Variants in SPOCK3 observed in about 807,000 individuals in gnomAD.
SPOCK3 encodes testican-3.
SPOCK3 carries 30 observed loss-of-function variants against 56.6 expected under a neutral mutation model. The observed-to-expected ratio is 0.53, with a 90% CI of 0.40 to 0.72. SPOCK3 has a LOEUF of 0.72. Ranked by LOEUF, SPOCK3 falls within the 30% of genes least tolerant of loss-of-function variation. The pLI is 0.00. For synonymous variants in SPOCK3, 196 were observed against 183.3 expected (o/e 1.07, Z -0.56); for missense variants, 527 against 530.0 (o/e 0.99, Z 0.06).
intron 4 of SPOCK3, among the ~76,000 whole-genome samples, chr4:166,976,990 G>A (rs1044375630): frequency 7.2e-5 from 11 of 151,826 alleles, no homozygotes; most frequent in Non-Finnish European, 8.8e-5. Flanking sequence ...GAAAGATGGC[G>A]TGATAAGCAC....
At chr4:166,995,585 C>T (rs1219430694) in intron 4 of SPOCK3, among the ~76,000 whole-genome samples, 2 of 151,804 alleles carry the variant, frequency 1.3e-5, no homozygotes, top group Non-Finnish European at 2.9e-5. Flanking sequence ...ATCTATCTAC[C>T]TATCTATCTA....
At chr4:167,178,445 G>A (rs750413646) in intron 2 of SPOCK3, among the ~76,000 whole-genome samples, 6 of 152,054 alleles carry the variant, frequency 3.9e-5, no homozygotes, top group Non-Finnish European at 8.8e-5. Flanking sequence ...TTAAAATACT[G>A]TTGTCCATGA....
In SPOCK3 at chr4:166,791,050, G is replaced by A. The variant is rs527666711; in HGVS notation, c.709+1120C>T. On this transcript the variant is annotated intron_variant, in intron 7 of 10. Coordinates refer to ENST00000357545, the MANE Select transcript of SPOCK3 (RefSeq NM_001040159.2). ...CAATAAATCCAGAGATAAGCCTGAG[G>A]AACTCTTCTATAGGAAATGAAAAAT... is the stretch of plus-strand genomic sequence containing the variant. Among the ~76,000 whole-genome samples the A allele has an allele frequency of 3.9e-5, 6 of 152,182 alleles. No homozygotes were observed. The East Asian group carries it at 1.2e-3, about 29-fold the overall frequency.
At chr4:166,783,048 A>G (rs780134647) in intron 7 of SPOCK3, among the ~76,000 whole-genome samples, 1 of 152,196 alleles carries the variant, frequency 6.6e-6, no homozygotes, top group Non-Finnish European at 1.5e-5. Context: ...CTGTAAGTAC[A>G]TATCTTTGTA....
intron 7 of SPOCK3, among the ~76,000 whole-genome samples, chr4:166,788,104 C>T (rs28463317): frequency 0.3 from 45,448 of 151,974 alleles, 7,005 homozygotes; most frequent in East Asian, 0.39. Flanking sequence ...ATTGCTTGAA[C>T]CCAGGAGGCG....
intron 2 of SPOCK3, among the ~76,000 whole-genome samples, chr4:167,073,543 G>A (rs1756895418): frequency 2.0e-5 from 3 of 151,694 alleles, no homozygotes; most frequent in Admixed American, 2.0e-4. Flanking sequence ...TACTGGTTAG[G>A]TATTAGGGAG....
At position 166,742,057 on chromosome 4, in the gene SPOCK3, G is replaced by A; in HGVS notation, c.934C>T (p.Pro312Ser). The change falls in exon 9 of 11, where the codon CCA (proline) becomes TCA (serine). Residue 312 changes from proline (P) to serine (S), a missense_variant and splice_region_variant. Physicochemically the swap from Pro to Ser is moderately conservative, Grantham distance 74 (BLOSUM62 -1). Coordinates refer to ENST00000357545, the MANE Select transcript of SPOCK3 (RefSeq NM_001040159.2). Reference protein sequence around the residue: ...WCYCFQRQQDPPCQTELSNIQ... With the variant: ...WCYCFQRQQDSPCQTELSNIQ... ...TTGCTGAGCTCAGTCTGGCAAGGTGGGTCTGCAATGACATTAAAAATGTTA... is the reference window on the plus strand; with the variant it reads ...TTGCTGAGCTCAGTCTGGCAAGGTGAGTCTGCAATGACATTAAAAATGTTA... 6.2e-7 allele frequency: 1 copy of A among 1,610,048 alleles called. No homozygotes were observed. Among genetic ancestry groups the A allele is most frequent in the Non-Finnish European group, 8.5e-7 (1 of 1,177,012 alleles).
At chr4:167,059,727 C>T (rs955255183) in intron 3 of SPOCK3, among the ~76,000 whole-genome samples, 6 of 152,010 alleles carry the variant, frequency 3.9e-5, no homozygotes, top group Admixed American at 3.3e-4. Context: ...GCACTATTCA[C>T]AATATGAAAG....
intron 2 of SPOCK3, among the ~76,000 whole-genome samples, chr4:167,105,119 G>C (rs533136603): frequency 3.3e-5 from 5 of 151,832 alleles, no homozygotes; most frequent in African/African-American, 1.2e-4. Flanking sequence ...GAGTTTTTCA[G>C]TCAGAAGGAA....
chr4:166,823,844 A>C (rs1745183369), intron 6 of SPOCK3, among the ~76,000 whole-genome samples: 1 of 152,016 alleles, frequency 6.6e-6, no homozygotes. Context: ...CTGGCACCAC[A>C]CTCAAATTTA....
intron 4 of SPOCK3, among the ~76,000 whole-genome samples, chr4:166,930,184 TA>T (rs893334735): frequency 5.9e-5 from 9 of 151,734 alleles, no homozygotes; most frequent in Admixed American, 2.6e-4. Flanking sequence ...CTAATCTTTG[TA>T]AAAAAAAGGA....
intron 2 of SPOCK3, among the ~76,000 whole-genome samples, chr4:167,093,573 G>A (rs552901275): frequency 1.0e-3 from 157 of 152,188 alleles, no homozygotes; most frequent in African/African-American, 3.5e-3. Context: ...TTAGTTTGCT[G>A]AGAATGATGG....
chr4:167,020,308 A>G (rs1751048291), intron 3 of SPOCK3, among the ~76,000 whole-genome samples: 1 of 152,078 alleles, frequency 6.6e-6, no homozygotes, highest in South Asian at 2.1e-4. Flanking sequence ...TTTGGCCTCT[A>G]GGGGAAATTT....
chr4:166,838,918 T>C (rs745802986), intron 6 of SPOCK3, among the ~76,000 whole-genome samples: 3 of 151,120 alleles, frequency 2.0e-5, no homozygotes, highest in Non-Finnish European at 2.9e-5. Context: ...GCCGAGATTG[T>C]GCCACTGCAC....
Position 167,000,522 on chromosome 4 carries a change from C to T in SPOCK3, c.236-59G>A, listed in dbSNP as rs543819226. ...CTTCTGTAAAATGGAGGTATCAAAT[C>T]CCATCAAACACAATTTGATCAGGTC... On this transcript the variant is annotated intron_variant, in intron 3 of 10. Transcript: ENST00000357545. 5.1e-6 allele frequency: 4 copies of T among 786,502 alleles called. No homozygotes were observed. The Admixed American group carries it at 9.2e-5, about 18-fold the overall frequency. The allele number at this position is 786,502 out of a possible 1,614,324, so 48.7% of individuals were successfully genotyped here.
chr4:166,751,595 A>C (rs1200954383), intron 8 of SPOCK3, among the ~76,000 whole-genome samples: 1 of 152,182 alleles, frequency 6.6e-6, no homozygotes, highest in Non-Finnish European at 1.5e-5. Flanking sequence ...CCTTAGCCAT[A>C]AAATGGGAAT....
Position 166,754,545 on chromosome 4 carries a change from A to G in SPOCK3, c.894T>C (p.Ser298=). 1.2e-6 allele frequency: 2 copies of G among 1,613,524 alleles called. No individual in the cohort carries two copies. The highest frequency in any genetic ancestry group is 1.7e-6 in the Non-Finnish European group (2 of 1,179,646). ...SCDTYKDSLI[S]NNEWCYCFQR... ...GGAAGCAGTAGCACCACTCATTATTAGATATTAAACTGTCCTTGTATGTGT... is the reference window on the plus strand; with the variant it reads ...GGAAGCAGTAGCACCACTCATTATTGGATATTAAACTGTCCTTGTATGTGT... Residue 298 remains serine, a synonymous_variant, in exon 8 of 11, where the codon TCT becomes TCC. Transcript: ENST00000357545.
chr4:167,151,627 G>A (rs1764433561), intron 2 of SPOCK3, among the ~76,000 whole-genome samples: 1 of 151,734 alleles, frequency 6.6e-6, no homozygotes, highest in African/African-American at 2.4e-5. Context: ...AGTAGAGACG[G>A]GGTTTCACTA....
chr4:166,888,326 A>G (rs1191514157), intron 6 of SPOCK3, among the ~76,000 whole-genome samples: 2 of 152,118 alleles, frequency 1.3e-5, no homozygotes, highest in Non-Finnish European at 2.9e-5. Flanking sequence ...TTATTAGATT[A>G]GAAGAGTTCA....
Sources: gnomAD v4.1 joint callset for allele counts (sites outside exome capture counted in the v4.1 genomes callset) on GRCh38, gnomAD v4.1.1 for gene constraint, MANE v1.5 for transcripts, NCBI Gene and HGNC (gene_info 2026-07-23, HGNC 2026-07-21) for gene names.